GTF2H5: variants seen among roughly 807,000 people sequenced by gnomAD.
The protein encoded by GTF2H5 is general transcription factor IIH subunit 5.
GTF2H5 carries 5 observed loss-of-function variants against 7.1 expected under a neutral mutation model. The ratio of observed to expected loss-of-function variants is 0.71; its 90% CI spans 0.37 to 1.49. The LOEUF (loss-of-function observed/expected upper bound fraction) is 1.49. Ranked by LOEUF, GTF2H5 falls within the 40% of genes most tolerant of loss-of-function variation. The pLI is 0.03. For missense variants in GTF2H5, 80 were observed against 83.0 expected, an observed-to-expected ratio of 0.96 and a Z score of 0.14; for synonymous variants, 30 against 31.7, an observed-to-expected ratio of 0.95 and a Z score of 0.18.
At chr6:158,177,634 C>T (rs914898610) in intron 2 of GTF2H5, among the ~76,000 whole-genome samples, 1 of 152,164 alleles carries the variant, frequency 6.6e-6, no homozygotes, top group Non-Finnish European at 1.5e-5. Context: ...AGTTTTGTTA[C>T]ATAGGTATAC....
intron 2 of GTF2H5, among the ~76,000 whole-genome samples, chr6:158,177,642 T>C (rs1785951132): frequency 6.6e-6 from 1 of 152,188 alleles, no homozygotes; most frequent in African/African-American, 2.4e-5. Context: ...TACATAGGTA[T>C]ACATGTGCCA....
chr6:158,175,044 G>GTATATGTGTGTGTGTGTGTGTGTGTGTA (rs1554267664), intron 2 of GTF2H5, among the ~76,000 whole-genome samples: 2 of 142,794 alleles, frequency 1.4e-5, no homozygotes, highest in Non-Finnish European at 3.0e-5. Flanking sequence ...GTGTGTGTGT[G>GTATATGTGTGTGTGTGTGTGTGTGTGTA]TATACACACA....
intron 2 of GTF2H5, among the ~76,000 whole-genome samples, chr6:158,171,874 G>C (rs138056536): frequency 6.6e-6 from 1 of 152,094 alleles, no homozygotes; most frequent in African/African-American, 2.4e-5. Context: ...AAAGCAAAGG[G>C]GGTGGGATCT....
intron 2 of GTF2H5, among the ~76,000 whole-genome samples, chr6:158,189,820 C>G (rs1054227704): frequency 6.6e-6 from 1 of 152,188 alleles, no homozygotes; most frequent in Non-Finnish European, 1.5e-5. Context: ...CATGCTTTCC[C>G]TATTATGACT....
intron 2 of GTF2H5, chr6:158,191,020 G>A: frequency 2.1e-6 from 1 of 466,812 alleles, no homozygotes; most frequent in Non-Finnish European, 4.2e-6. Flanking sequence ...AATTGAATTT[G>A]GACCTCTTTC....
rs1777071841 is a variant in GTF2H5, at chr6:158,194,226, C to T, written c.*2069C>T. 1 of 152,102 alleles carries T rather than the reference C, an allele frequency of 6.6e-6. No individual in the cohort carries two copies. The highest frequency in any genetic ancestry group is 1.5e-5 in the Non-Finnish European group (1 of 68,022). 9.4% of individuals were successfully genotyped at this position (152,102 alleles called of 1,614,324 possible). On this transcript the variant is annotated 3_prime_UTR_variant, in exon 3 of 3. Transcript: ENST00000607778. The stretch of plus-strand genomic sequence containing the variant: ...AGATATTTATGAGAAAACTATTGAA[C>T]AGTGACTGTGTTGTACCCGAGCAAG...
chr6:158,192,260 A>T lies in GTF2H5; in HGVS notation c.*103A>T, dbSNP rs1185307751. The T allele has an allele frequency of 1.1e-6, 1 of 875,132 alleles. No individual in the cohort carries two copies. Among genetic ancestry groups the T allele is most frequent in the Non-Finnish European group, 1.9e-6 (1 of 530,332 alleles). 54.2% of individuals were successfully genotyped at this position (875,132 alleles called of 1,614,324 possible). On this transcript the variant is annotated 3_prime_UTR_variant, in exon 3 of 3. Coordinates refer to ENST00000607778, the MANE Select transcript of GTF2H5 (RefSeq NM_207118.3). ...ATTAGACATAGAGGGTTGTTTTAGGAGCATGCCACGGGAAAGACTGAGGGA... is the reference window on the plus strand; with the variant it reads ...ATTAGACATAGAGGGTTGTTTTAGGTGCATGCCACGGGAAAGACTGAGGGA...
intron 2 of GTF2H5, chr6:158,190,542 G>A (rs1299473911): frequency 5.6e-6 from 2 of 356,428 alleles, no homozygotes; most frequent in Non-Finnish European, 1.1e-5. Flanking sequence ...TAAAATTTAA[G>A]TCAGTTTGTA....
chr6:158,183,825 G>T (rs1444085020), intron 2 of GTF2H5, among the ~76,000 whole-genome samples: 1 of 152,220 alleles, frequency 6.6e-6, no homozygotes, highest in East Asian at 1.9e-4. Context: ...CCCTTGGCTA[G>T]GAAAGGGAAA....
chr6:158,173,197 C>T (rs1257773801), intron 2 of GTF2H5, among the ~76,000 whole-genome samples: 1 of 152,186 alleles, frequency 6.6e-6, no homozygotes, highest in African/African-American at 2.4e-5. Flanking sequence ...GTGTTTTGCA[C>T]CAGGACTATT....
intron 2 of GTF2H5, chr6:158,190,680 T>C (rs892168317): frequency 1.1e-5 from 5 of 450,272 alleles, no homozygotes; most frequent in African/African-American, 8.0e-5. Flanking sequence ...TTAAATCTTA[T>C]TTTTCTTGTT....
chr6:158,175,291 A>G (rs1397540810), intron 2 of GTF2H5, among the ~76,000 whole-genome samples: 2 of 152,148 alleles, frequency 1.3e-5, no homozygotes, highest in African/African-American at 2.4e-5. Context: ...AGCATGTTGT[A>G]TATCAAAATA....
rs1777084362 is a variant in GTF2H5, at chr6:158,194,866, G to A, written c.*2709G>A. On this transcript the variant is annotated 3_prime_UTR_variant, in exon 3 of 3. Coordinates refer to ENST00000607778, the MANE Select transcript of GTF2H5 (RefSeq NM_207118.3). Reference sequence around the variant, plus strand: ...CTGCAAAGAGTATTAAGTGAAATAAGTGAAGGAAAATATGAGCTCTTATTT... The same window carrying A: ...CTGCAAAGAGTATTAAGTGAAATAAATGAAGGAAAATATGAGCTCTTATTT... The A allele has an allele frequency of 1.3e-5, 2 of 152,220 alleles. No homozygotes were observed. Among genetic ancestry groups the A allele is most frequent in the Admixed American group, 1.3e-4 (2 of 15,286 alleles). The allele number at this position is 152,220 out of a possible 1,614,324, so 9.4% of individuals were successfully genotyped here.
chr6:158,175,128 G>A lies in GTF2H5; in HGVS notation c.35+4590G>A, dbSNP rs73025757. Among the ~76,000 whole-genome samples, 1,494 of 151,976 alleles carry A rather than the reference G, an allele frequency of 9.8e-3. 10 individuals are homozygous for A. The highest frequency in any genetic ancestry group is 0.015 in the Admixed American group (232 of 15,262). Reference sequence around the variant, plus strand: ...GAATAAATTTTGTTAACAGAATTGAGTCCAGGTTTGTGATCTCAGCCAAAA... The same window carrying A: ...GAATAAATTTTGTTAACAGAATTGAATCCAGGTTTGTGATCTCAGCCAAAA... On this transcript the variant is annotated intron_variant, in intron 2 of 2. Coordinates refer to ENST00000607778, the MANE Select transcript of GTF2H5 (RefSeq NM_207118.3).
intron 2 of GTF2H5, among the ~76,000 whole-genome samples, chr6:158,180,804 T>G (rs1159652331): frequency 6.6e-6 from 1 of 151,774 alleles, no homozygotes; most frequent in African/African-American, 2.4e-5. Flanking sequence ...TGTTGATCTT[T>G]AAAATAAACC....
intron 1 of GTF2H5, among the ~76,000 whole-genome samples, chr6:158,169,566 T>TATATAATATATAATATATAATATAATATA (rs1785762519): frequency 1.1e-5 from 1 of 89,112 alleles, no homozygotes; most frequent in Admixed American, 2.0e-4. Context: ...TTATATATAA[T>TATATAATATATAATATATAATATAATATA]ATATTGTATA....
rs534505742 is a variant in GTF2H5, at chr6:158,189,458, T to G, written c.36-2519T>G. On this transcript the variant is annotated intron_variant, in intron 2 of 2. Transcript: ENST00000607778. The stretch of plus-strand genomic sequence containing the variant: ...ACCCTGTTCTCCCAGTTCCCTGGCC[T>G]CCTCTTCCACTGAGCTTGTCCTCCA... 3.3e-5 allele frequency among the ~76,000 whole-genome samples: 5 copies of G among 152,292 alleles called. 1 individual carries two copies. The highest frequency in any genetic ancestry group is 9.6e-5 in the African/African-American group (4 of 41,554).
Position 158,170,539 on chromosome 6 carries a change from GT to G in GTF2H5, c.35+3del. 6.2e-7 allele frequency: 1 copy of G among 1,604,150 alleles called. No homozygotes were observed. The highest frequency in any genetic ancestry group is 8.5e-7 in the Non-Finnish European group (1 of 1,170,868). ...TCTTGAAAGGAGTGCTTATAGAATG[GT>G]TAGTAGTTTTGATACTGCATGAGTT... On this transcript the variant is annotated splice_donor_variant, in intron 2 of 2. Coordinates refer to ENST00000607778, the MANE Select transcript of GTF2H5 (RefSeq NM_207118.3). LOFTEE classifies it high-confidence loss of function.
chr6:158,190,212 C>G, intron 2 of GTF2H5, among the ~76,000 whole-genome samples: 1 of 152,078 alleles, frequency 6.6e-6, no homozygotes, highest in Admixed American at 6.6e-5. Flanking sequence ...TAAAACCAAA[C>G]TTGATCTTAC....
Sources: allele counts gnomAD v4.1 joint callset (sites outside exome capture counted in the v4.1 genomes callset), GRCh38; gene constraint gnomAD v4.1.1; transcripts MANE v1.5; gene names NCBI Gene and HGNC (gene_info 2026-07-23, HGNC 2026-07-21).